CCSER1: variants seen among roughly 807,000 people sequenced by gnomAD.
CCSER1 encodes coiled-coil serine rich protein 1.
In CCSER1, 41 loss-of-function variants were observed where a neutral mutation model predicts 82.0. The ratio of observed to expected loss-of-function variants is 0.50; its 90% CI spans 0.39 to 0.65. The LOEUF is 0.65. Among genes scored for constraint, CCSER1 ranks in the 30% least tolerant of loss-of-function variants. The pLI is 0.00. For synonymous variants in CCSER1, 414 were observed against 383.9 expected, an observed-to-expected ratio of 1.08 and a Z score of -0.92; for missense variants, 1,119 against 1,064.2, an observed-to-expected ratio of 1.05 and a Z score of -0.72.
chr4:91,328,534 T>C (rs1746723925), intron 10 of CCSER1, among the ~76,000 whole-genome samples: 1 of 152,140 alleles, frequency 6.6e-6, no homozygotes, highest in African/African-American at 2.4e-5. Context: ...ACAGGAGAGT[T>C]GAGTGGGGAC....
At chr4:91,438,982 G>A (rs531200562) in intron 10 of CCSER1, among the ~76,000 whole-genome samples, 1 of 152,322 alleles carries the variant, frequency 6.6e-6, no homozygotes, top group South Asian at 2.1e-4. Context: ...GGGACTATGT[G>A]AAAGGACCAA....
chr4:90,682,387 T>C (rs565964686), intron 6 of CCSER1, among the ~76,000 whole-genome samples: 7 of 152,100 alleles, frequency 4.6e-5, no homozygotes, highest in African/African-American at 7.2e-5. Flanking sequence ...TTACCAGATA[T>C]AGTATATCAT....
chr4:91,226,179 G>T (rs1249183580), intron 10 of CCSER1, among the ~76,000 whole-genome samples: 1 of 151,748 alleles, frequency 6.6e-6, no homozygotes, highest in African/African-American at 2.4e-5. Flanking sequence ...CAGAGAAAAG[G>T]ACTAAAAGAA....
At chr4:90,154,331 C>A (rs1186482621) in intron 1 of CCSER1, among the ~76,000 whole-genome samples, 1 of 152,198 alleles carries the variant, frequency 6.6e-6, no homozygotes, top group African/African-American at 2.4e-5. Flanking sequence ...CAGCTTTGTT[C>A]TTTTGGCTTA....
At chr4:90,695,489 A>T (rs1185912155) in intron 6 of CCSER1, among the ~76,000 whole-genome samples, 1 of 152,024 alleles carries the variant, frequency 6.6e-6, no homozygotes, top group African/African-American at 2.4e-5. Flanking sequence ...CTCTTTGGGT[A>T]GATATTATTA....
chr4:90,521,494 C>A (rs1038321074), intron 5 of CCSER1, among the ~76,000 whole-genome samples: 1 of 152,214 alleles, frequency 6.6e-6, no homozygotes, highest in South Asian at 2.1e-4. Flanking sequence ...AAGCTTTTTA[C>A]CCTCAAGAAG....
rs577504081 is a variant in CCSER1, at chr4:90,665,557, G to A, written c.1932+37325G>A. 1.3e-4 allele frequency among the ~76,000 whole-genome samples: 20 copies of A among 152,086 alleles called. No homozygotes were observed. In the East Asian group the frequency reaches 1.4e-3, roughly 10 times the overall value. On this transcript the variant is annotated intron_variant, in intron 6 of 10. Transcript: ENST00000509176. ...AGGATGGTCTCGATCTCCTGACCTC[G>A]TGATCCACCCGCCTCGGCCTCCCAA...
chr4:90,850,135 C>T (rs1023009624), intron 8 of CCSER1, among the ~76,000 whole-genome samples: 10 of 152,184 alleles, frequency 6.6e-5, no homozygotes, highest in African/African-American at 1.9e-4. Context: ...GTGACCTTCA[C>T]ATAGTGTTGG....
At chr4:90,342,530 T>C (rs997115583) in intron 3 of CCSER1, among the ~76,000 whole-genome samples, 2 of 152,194 alleles carry the variant, frequency 1.3e-5, no homozygotes, top group Non-Finnish European at 2.9e-5. Flanking sequence ...TTCCCACATA[T>C]ACATTTCTAT....
At chr4:90,759,262 ATC>A (rs1750059615) in intron 7 of CCSER1, among the ~76,000 whole-genome samples, 1 of 152,254 alleles carries the variant, frequency 6.6e-6, no homozygotes, top group Non-Finnish European at 1.5e-5. Flanking sequence ...ACTGTAATTA[ATC>A]TGAAGGCAAG....
At chr4:90,554,496 C>A (rs991675532) in intron 5 of CCSER1, among the ~76,000 whole-genome samples, 2 of 152,180 alleles carry the variant, frequency 1.3e-5, no homozygotes, top group African/African-American at 4.8e-5. Context: ...ACTATCATAA[C>A]AATTGAGGAG....
At chr4:91,466,432 GA>G (rs1756911558) in intron 10 of CCSER1, among the ~76,000 whole-genome samples, 1 of 152,150 alleles carries the variant, frequency 6.6e-6, no homozygotes. Context: ...CATTCCCTTT[GA>G]AAACTGGCAC....
At chr4:90,846,250 G>A (rs1763223477) in intron 8 of CCSER1, among the ~76,000 whole-genome samples, 1 of 152,148 alleles carries the variant, frequency 6.6e-6, no homozygotes, top group South Asian at 2.1e-4. Context: ...AAATCCTTCA[G>A]CGTGAGAGTT....
intron 1 of CCSER1, among the ~76,000 whole-genome samples, chr4:90,154,198 C>T (rs1282219335): frequency 2.6e-5 from 4 of 151,870 alleles, no homozygotes; most frequent in African/African-American, 7.3e-5. Context: ...AGATATGCGG[C>T]GTAGATTTCT....
At chr4:90,758,976 G>A (rs972061616) in intron 7 of CCSER1, among the ~76,000 whole-genome samples, 1 of 151,978 alleles carries the variant, frequency 6.6e-6, no homozygotes, top group African/African-American at 2.4e-5. Flanking sequence ...TGTTCTTTTA[G>A]TAACACCCTA....
intron 5 of CCSER1, among the ~76,000 whole-genome samples, chr4:90,538,560 T>C (rs1775711167): frequency 1.3e-5 from 2 of 152,152 alleles, no homozygotes; most frequent in Non-Finnish European, 2.9e-5. Context: ...TTCTCAGATT[T>C]GTTTCTCTCA....
chr4:90,760,320 C>T (rs1402841354), intron 7 of CCSER1, among the ~76,000 whole-genome samples: 1 of 151,806 alleles, frequency 6.6e-6, no homozygotes, highest in East Asian at 1.9e-4. Context: ...TAATATCTTA[C>T]AGTTAACATC....
chr4:90,645,717 A>G (rs1158035428), intron 6 of CCSER1, among the ~76,000 whole-genome samples: 2 of 152,196 alleles, frequency 1.3e-5, no homozygotes, highest in East Asian at 1.9e-4. Context: ...TTTAGTACCT[A>G]CTGAAATTCT....
intron 8 of CCSER1, among the ~76,000 whole-genome samples, chr4:90,836,681 T>C (rs1264039634): frequency 6.6e-6 from 1 of 152,226 alleles, no homozygotes; most frequent in Non-Finnish European, 1.5e-5. Flanking sequence ...ACAGAAGTCC[T>C]GATTTGAACC....
Sources: gnomAD v4.1 joint callset for allele counts (sites outside exome capture counted in the v4.1 genomes callset) on GRCh38, gnomAD v4.1.1 for gene constraint, MANE v1.5 for transcripts, NCBI Gene and HGNC (gene_info 2026-07-23, HGNC 2026-07-21) for gene names.